The following MITF variants were observed in gnomAD, a reference collection of about 807,000 sequenced individuals.
MITF encodes microphthalmia-associated transcription factor.
Under a neutral mutation model 60.5 loss-of-function variants are expected in MITF, and 17 were observed. The observed-to-expected ratio is 0.28, with a 90% CI of 0.19 to 0.42. MITF has a LOEUF of 0.42. MITF is among the 10% of genes least tolerant of loss of function. MITF has a pLI of 1.00. For synonymous variants in MITF, 260 were observed against 248.5 expected (o/e 1.05, Z -0.43); for missense variants, 622 against 683.5 (o/e 0.91, Z 1.00).
In MITF at chr3:69,892,917, G is replaced by A. The variant is rs1253146888; in HGVS notation, c.354+13534G>A. 2.0e-5 allele frequency among the ~76,000 whole-genome samples: 3 copies of A among 152,166 alleles called. No individual in the cohort carries two copies. The East Asian group carries it at 5.8e-4, about 29-fold the overall frequency. On this transcript the variant is annotated intron_variant, in intron 2 of 9. Transcript: ENST00000352241. ...CTTTTTTTGTATTGGTTTTCTGCCTGAAGGCAGTATATCCAGTGCATGTGG... is the reference window on the plus strand; with the variant it reads ...CTTTTTTTGTATTGGTTTTCTGCCTAAAGGCAGTATATCCAGTGCATGTGG...
intron 1 of MITF, among the ~76,000 whole-genome samples, chr3:69,823,710 T>C (rs1005275535): frequency 6.6e-6 from 1 of 152,232 alleles, no homozygotes; most frequent in Non-Finnish European, 1.5e-5. Flanking sequence ...TGACATTCTC[T>C]AAAACTTTTG....
At chr3:69,858,766 T>C (rs1433524594) in intron 1 of MITF, among the ~76,000 whole-genome samples, 1 of 152,182 alleles carries the variant, frequency 6.6e-6, no homozygotes, top group Non-Finnish European at 1.5e-5. Context: ...ATTTTGAATC[T>C]GGACTACCTC....
At chr3:69,936,942 G>T in intron 2 of MITF, 2 of 467,240 alleles carry the variant, frequency 4.3e-6, no homozygotes, top group Non-Finnish European at 7.4e-6. Flanking sequence ...AATATTAGTA[G>T]GATTCTTTTT....
intron 2 of MITF, among the ~76,000 whole-genome samples, chr3:69,934,241 TC>T (rs1294080983): frequency 6.6e-6 from 1 of 152,216 alleles, no homozygotes; most frequent in Non-Finnish European, 1.5e-5. Context: ...GATATTGTTT[TC>T]CTTTTTCACT....
intron 2 of MITF, among the ~76,000 whole-genome samples, chr3:69,910,940 CATG>C (rs1297156372): frequency 6.6e-6 from 1 of 152,046 alleles, no homozygotes; most frequent in Non-Finnish European, 1.5e-5. Flanking sequence ...AATGTGAGGA[CATG>C]AGATTTGGAG....
intron 2 of MITF, among the ~76,000 whole-genome samples, chr3:69,882,623 G>C (rs1436120773): frequency 1.3e-5 from 2 of 152,080 alleles, no homozygotes; most frequent in African/African-American, 4.8e-5. Context: ...AGTGGGTTTT[G>C]CTGACATGCA....
chr3:69,916,313 A>T (rs566742138), intron 2 of MITF, among the ~76,000 whole-genome samples: 6 of 152,172 alleles, frequency 3.9e-5, no homozygotes, highest in Admixed American at 1.3e-4. Context: ...AATTTTCATT[A>T]TTTTGAAAAA....
intron 2 of MITF, among the ~76,000 whole-genome samples, chr3:69,928,279 G>A (rs376310919): frequency 8.6e-4 from 131 of 152,204 alleles, no homozygotes; most frequent in Non-Finnish European, 1.5e-3. Flanking sequence ...GTTTATATCC[G>A]TTTATTTTAT....
At chr3:69,863,369 C>T (rs2064051827) in intron 1 of MITF, among the ~76,000 whole-genome samples, 1 of 152,150 alleles carries the variant, frequency 6.6e-6, no homozygotes, top group African/African-American at 2.4e-5. Flanking sequence ...AGAAGGTTCC[C>T]TTAGAACTGT....
At chr3:69,813,159 A>G (rs546912540) in intron 1 of MITF, among the ~76,000 whole-genome samples, 5 of 152,280 alleles carry the variant, frequency 3.3e-5, no homozygotes, top group African/African-American at 1.2e-4. Context: ...CTGACATTAA[A>G]CCTGACTCAG....
At chr3:69,929,730 G>A (rs921807119) in intron 2 of MITF, among the ~76,000 whole-genome samples, 1 of 151,878 alleles carries the variant, frequency 6.6e-6, no homozygotes, top group African/African-American at 2.4e-5. Context: ...TCATTGTATT[G>A]AAAATACACC....
intron 1 of MITF, chr3:69,758,679 A>T (rs2062167216): frequency 4.9e-6 from 1 of 202,756 alleles, no homozygotes; most frequent in African/African-American, 2.3e-5. Context: ...AGGTTCCAGG[A>T]TACAGAGTGT....
intron 1 of MITF, among the ~76,000 whole-genome samples, chr3:69,848,146 G>T (rs907743751): frequency 2.6e-5 from 4 of 152,248 alleles, no homozygotes; most frequent in Non-Finnish European, 4.4e-5. Flanking sequence ...ACAGCAGTCT[G>T]TTGGGTTCAG....
At chr3:69,825,483 G>A (rs2063339530) in intron 1 of MITF, among the ~76,000 whole-genome samples, 2 of 152,194 alleles carry the variant, frequency 1.3e-5, no homozygotes, top group Non-Finnish European at 2.9e-5. Context: ...CAAGGCTGCT[G>A]AGGGGACCTA....
intron 1 of MITF, among the ~76,000 whole-genome samples, chr3:69,775,945 C>T (rs753707647): frequency 1.3e-5 from 2 of 152,194 alleles, no homozygotes; most frequent in Non-Finnish European, 2.9e-5. Flanking sequence ...ACAGAGAAAG[C>T]GTGCATTGTT....
chr3:69,773,042 A>G lies in MITF; in HGVS notation c.104+33341A>G, dbSNP rs144949841. Among the ~76,000 whole-genome samples the G allele has an allele frequency of 4.6e-5, 7 of 152,328 alleles. No homozygotes were observed. In the East Asian group the frequency reaches 1.3e-3, roughly 29 times the overall value. On this transcript the variant is annotated intron_variant, in intron 1 of 9. Transcript: ENST00000352241. ...ATGGCTGGGTTTGGGGTGACTTGTAATTTAAAACTGAGTGGACAAGGACTG... is the reference window on the plus strand; with the variant it reads ...ATGGCTGGGTTTGGGGTGACTTGTAGTTTAAAACTGAGTGGACAAGGACTG...
intron 1 of MITF, among the ~76,000 whole-genome samples, chr3:69,785,775 C>A (rs2062638857): frequency 6.6e-6 from 1 of 152,064 alleles, no homozygotes; most frequent in Non-Finnish European, 1.5e-5. Flanking sequence ...TGCCTGAGAC[C>A]ATGTCCATCT....
intron 1 of MITF, chr3:69,763,668 C>G: frequency 1.6e-6 from 2 of 1,262,528 alleles, no homozygotes; most frequent in Non-Finnish European, 2.0e-6. Context: ...ACTCAATGTT[C>G]CGCCAAAGGG....
chr3:69,794,195 C>T (rs1437680970), intron 1 of MITF, among the ~76,000 whole-genome samples: 1 of 152,176 alleles, frequency 6.6e-6, no homozygotes, highest in Non-Finnish European at 1.5e-5. Flanking sequence ...TCCACATATT[C>T]TATAATCTTT....
Sources: gnomAD v4.1 joint callset for allele counts (sites outside exome capture counted in the v4.1 genomes callset) on GRCh38, gnomAD v4.1.1 for gene constraint, MANE v1.5 for transcripts, NCBI Gene and HGNC (gene_info 2026-07-23, HGNC 2026-07-21) for gene names.